The following AFF1 variants were observed in gnomAD, a reference collection of about 807,000 sequenced individuals.
AFF1 encodes the protein ALF transcription elongation factor 1.
Under a neutral mutation model 121.7 loss-of-function variants are expected in AFF1, and 48 were observed. The observed-to-expected ratio is 0.39, with a 90% confidence interval of 0.31 to 0.50. The LOEUF is 0.50. AFF1 is among the 20% of genes least tolerant of loss of function. The pLI is 0.76. For synonymous variants in AFF1, 613 were observed against 563.0 expected (o/e 1.09, Z -1.26); for missense variants, 1,523 against 1,511.7 (o/e 1.01, Z -0.12).
At chr4:87,062,753 G>C (rs1291563492) in intron 4 of AFF1, among the ~76,000 whole-genome samples, 1 of 151,618 alleles carries the variant, frequency 6.6e-6, no homozygotes, top group Non-Finnish European at 1.5e-5. Flanking sequence ...AAACTCATGT[G>C]TTCTGTAGGG....
chr4:87,096,553 C>CTTT (rs1724890791), intron 8 of AFF1, among the ~76,000 whole-genome samples: 3 of 150,692 alleles, frequency 2.0e-5, no homozygotes. Flanking sequence ...TTTTCTTTTT[C>CTTT]TTTTTGGAGA....
intron 2 of AFF1, among the ~76,000 whole-genome samples, chr4:87,001,722 G>A (rs1027980909): frequency 5.9e-5 from 9 of 152,218 alleles, no homozygotes; most frequent in Middle Eastern, 3.2e-3. Flanking sequence ...TTGTGTTGAA[G>A]TCACAGCTGA....
chr4:87,036,192 A>T (rs1050153230), intron 2 of AFF1, among the ~76,000 whole-genome samples: 1 of 152,168 alleles, frequency 6.6e-6, no homozygotes, highest in East Asian at 1.9e-4. Context: ...ATCTCAGGTT[A>T]AAAAAATTGG....
chr4:87,105,853 G>A lies in AFF1; in HGVS notation c.1376+8G>A. The A allele has an allele frequency of 6.2e-7, 1 of 1,614,050 alleles. No homozygotes were observed. The highest frequency in any genetic ancestry group is 8.5e-7 in the Non-Finnish European group (1 of 1,179,966). On this transcript the variant is annotated splice_region_variant and intron_variant, in intron 10 of 20. Transcript: ENST00000395146. ...CTCATCTGCACCTCCAAGGTACCGTGTGGGTTTCTCCCCATCTGTACAGAA... is the reference window on the plus strand; with the variant it reads ...CTCATCTGCACCTCCAAGGTACCGTATGGGTTTCTCCCCATCTGTACAGAA...
intron 2 of AFF1, among the ~76,000 whole-genome samples, chr4:86,987,045 A>G (rs905279065): frequency 1.3e-4 from 19 of 151,460 alleles, no homozygotes; most frequent in African/African-American, 3.6e-4. Context: ...GGGTCTTGCT[A>G]TGTTGCCCAG....
intron 12 of AFF1, among the ~76,000 whole-genome samples, chr4:87,122,665 C>T (rs1051324199): frequency 1.3e-5 from 2 of 152,058 alleles, no homozygotes; most frequent in African/African-American, 4.8e-5. Context: ...TTCTGAGTAG[C>T]TGATATGTTT....
At chr4:86,952,208 TTCA>T (rs1454733500) in intron 2 of AFF1, among the ~76,000 whole-genome samples, 1 of 152,222 alleles carries the variant, frequency 6.6e-6, no homozygotes, top group African/African-American at 2.4e-5. Flanking sequence ...TCTGAAGTCA[TTCA>T]TCATTTTCTA....
At position 87,013,434 on chromosome 4, in the gene AFF1, T is replaced by A. The variant is rs532280326; in HGVS notation, c.39-32732T>A. ...GAAAATCCCAGGGGTAAACATCTTA[T>A]CTAAAGGAACTCAAGCAGACAAAGG... On this transcript the variant is annotated intron_variant, in intron 2 of 20. Coordinates refer to ENST00000395146, the MANE Select transcript of AFF1 (RefSeq NM_001166693.3). Among the ~76,000 whole-genome samples, 7 of 152,272 alleles carry A rather than the reference T, an allele frequency of 4.6e-5. No homozygotes were observed. In the East Asian group the frequency reaches 5.8e-4, roughly 13 times the overall value.
At chr4:87,094,868 T>A (rs751892235) in intron 7 of AFF1, 47 bp from the exon 8 acceptor site, 8 of 1,586,190 alleles carry the variant, frequency 5.0e-6, no homozygotes, top group Middle Eastern at 1.7e-4. Context: ...CTAAGGATCT[T>A]GTAAATATGT....
chr4:86,951,604 TTTTC>T (rs1467938549), intron 2 of AFF1, among the ~76,000 whole-genome samples: 54 of 89,918 alleles, frequency 6.0e-4, no homozygotes, highest in African/African-American at 1.8e-3. Flanking sequence ...TTTTTTTTCT[TTTTC>T]TTTTTTCTTT....
intron 1 of AFF1, among the ~76,000 whole-genome samples, chr4:86,943,348 G>A (rs181121272): frequency 9.3e-5 from 14 of 150,764 alleles, no homozygotes; most frequent in African/African-American, 3.4e-4. Context: ...TAGGGGTAGA[G>A]TTCTAGAGAA....
chr4:87,105,933 A>T, intron 10 of AFF1, 88 bp downstream of exon 10: 5 of 1,494,044 alleles, frequency 3.3e-6, no homozygotes, highest in Admixed American at 1.7e-5. Context: ...GTACTTTCAC[A>T]TTTTTTGTCA....
intron 12 of AFF1, among the ~76,000 whole-genome samples, chr4:87,115,521 T>G (rs1251804315): frequency 1.3e-5 from 2 of 151,470 alleles, no homozygotes. Flanking sequence ...CCATCGGTCT[T>G]GCTAGTTTGA....
intron 4 of AFF1, among the ~76,000 whole-genome samples, chr4:87,055,785 G>A (rs958909067): frequency 6.6e-6 from 1 of 152,184 alleles, no homozygotes; most frequent in Non-Finnish European, 1.5e-5. Flanking sequence ...TATTTAAACA[G>A]TTCCTCCTAA....
intron 2 of AFF1, among the ~76,000 whole-genome samples, chr4:87,026,632 C>T (rs1056625451): frequency 6.6e-6 from 1 of 152,056 alleles, no homozygotes; most frequent in Non-Finnish European, 1.5e-5. Context: ...GGCCAGACTT[C>T]TAAAAGAGCA....
chr4:87,115,669 G>A (rs1199916236), intron 12 of AFF1, among the ~76,000 whole-genome samples: 2 of 144,218 alleles, frequency 1.4e-5, no homozygotes, highest in African/African-American at 5.3e-5. Context: ...GAGTGCAGTG[G>A]TGCGATCTTG....
At chr4:86,995,439 G>A (rs1299360667) in intron 2 of AFF1, among the ~76,000 whole-genome samples, 1 of 148,966 alleles carries the variant, frequency 6.7e-6, no homozygotes, top group Non-Finnish European at 1.5e-5. Context: ...AGCCTGCCGA[G>A]TGCCTGCGAT....
Position 87,140,304 on chromosome 4 carries a change from T to A in AFF1, c.*4603T>A, listed in dbSNP as rs1729615378. 5.1e-6 allele frequency: 1 copy of A among 194,896 alleles called. No homozygotes were observed. Among genetic ancestry groups the A allele is most frequent in the Non-Finnish European group, 1.1e-5 (1 of 93,276 alleles). 12.1% of individuals were successfully genotyped at this position (194,896 alleles called of 1,614,324 possible). A position where few individuals can be genotyped will look rare whatever the true frequency, so the allele number is the denominator to read the frequency against. On this transcript the variant is annotated 3_prime_UTR_variant, in exon 21 of 21. Coordinates refer to ENST00000395146, the MANE Select transcript of AFF1 (RefSeq NM_001166693.3). Reference sequence around the variant, plus strand: ...CATGTATTGTTAAAATTACTGCATATCCCCCTCAGATATCAAGTATACACT... The same window carrying A: ...CATGTATTGTTAAAATTACTGCATAACCCCCTCAGATATCAAGTATACACT...
intron 2 of AFF1, among the ~76,000 whole-genome samples, chr4:86,958,723 T>A (rs1301567071): frequency 1.3e-5 from 2 of 151,770 alleles, no homozygotes; most frequent in South Asian, 2.1e-4. Context: ...CTCAAAAAAA[T>A]AAAATAAAAT....
Sources: gnomAD v4.1 joint callset for allele counts (sites outside exome capture counted in the v4.1 genomes callset) on GRCh38, gnomAD v4.1.1 for gene constraint, MANE v1.5 for transcripts, NCBI Gene and HGNC (gene_info 2026-07-23, HGNC 2026-07-21) for gene names.